The following SRPK2 variants were observed in gnomAD, a reference collection of about 807,000 sequenced individuals.
SRPK2 encodes the protein SFRS protein kinase 2.
SRPK2 carries 21 observed loss-of-function variants against 90.8 expected under a neutral mutation model. The ratio of observed to expected loss-of-function variants is 0.23; its 90% CI spans 0.16 to 0.33. SRPK2 has a LOEUF of 0.33. SRPK2 is among the 10% of genes least tolerant of loss of function. SRPK2 has a pLI of 1.00. For missense variants in SRPK2, 620 were observed against 869.0 expected (o/e 0.71, Z 3.60); for synonymous variants, 288 against 311.1 (o/e 0.93, Z 0.78).
intron 2 of SRPK2, among the ~76,000 whole-genome samples, chr7:105,309,027 G>T (rs1585645552): frequency 2.0e-5 from 3 of 152,112 alleles, no homozygotes; most frequent in Admixed American, 2.0e-4. Flanking sequence ...ATGTGCTTGT[G>T]ATCACTCCCC....
At chr7:105,317,995 C>A (rs1346926021) in intron 2 of SRPK2, among the ~76,000 whole-genome samples, 2 of 152,184 alleles carry the variant, frequency 1.3e-5, no homozygotes, top group Non-Finnish European at 2.9e-5. Context: ...AAGCAATCCA[C>A]CCGACTCAGC....
chr7:105,325,508 T>C (rs1489137426), intron 2 of SRPK2, among the ~76,000 whole-genome samples: 1 of 116,626 alleles, frequency 8.6e-6, no homozygotes, highest in Non-Finnish European at 1.8e-5. Context: ...AAAAAAATGA[T>C]GTCCATTATT....
intron 2 of SRPK2, among the ~76,000 whole-genome samples, chr7:105,237,336 G>A (rs1232530752): frequency 2.0e-5 from 3 of 152,154 alleles, no homozygotes; most frequent in Non-Finnish European, 4.4e-5. Context: ...ACTAATAAAA[G>A]ATACACTAAA....
intron 2 of SRPK2, among the ~76,000 whole-genome samples, chr7:105,311,710 GA>G (rs753780025): frequency 7.8e-4 from 119 of 152,324 alleles, no homozygotes; most frequent in Middle Eastern, 3.4e-3. Context: ...CAAGGATGTA[GA>G]AAACTGGAAC....
chr7:105,186,428 C>A (rs1793587737), intron 3 of SRPK2, among the ~76,000 whole-genome samples: 1 of 152,206 alleles, frequency 6.6e-6, no homozygotes, highest in Non-Finnish European at 1.5e-5. Context: ...TTCCCACTTA[C>A]AAGAAAGAAC....
chr7:105,172,651 A>T (rs1791302879), intron 3 of SRPK2, among the ~76,000 whole-genome samples: 1 of 152,212 alleles, frequency 6.6e-6, no homozygotes, highest in Non-Finnish European at 1.5e-5. Flanking sequence ...CAAGTATCAT[A>T]GATTATGAAG....
intron 2 of SRPK2, among the ~76,000 whole-genome samples, chr7:105,276,012 T>C (rs999676312): frequency 1.3e-5 from 2 of 152,190 alleles, no homozygotes; most frequent in Non-Finnish European, 2.9e-5. Context: ...TTCCTTTCAC[T>C]TGCCAAATTC....
In SRPK2 at chr7:105,214,371, ACAGT is replaced by A. The variant is rs558661844; in HGVS notation, c.72-10590_72-10587del. On this transcript the variant is annotated intron_variant, in intron 2 of 15. Coordinates refer to ENST00000393651, the MANE Select transcript of SRPK2 (RefSeq NM_182692.3). ...TTTAAAATAAGCAGTAAAATGATAA[ACAGT>A]CAGTATATAGCCATTTTAAATTTCA... 2.3e-3 allele frequency among the ~76,000 whole-genome samples: 351 copies of A among 152,348 alleles called. 1 individual carries two copies. Among genetic ancestry groups the A allele is most frequent in the African/African-American group, 8.1e-3 (337 of 41,580 alleles).
rs537250628 is a variant in SRPK2 at position 105,131,316 on chromosome 7, TCA to T, written c.1752+1473_1752+1474del. Among the ~76,000 whole-genome samples, 104 of 152,258 alleles carry T rather than the reference TCA, an allele frequency of 6.8e-4. 3 individuals carry two copies. In the South Asian group the frequency reaches 0.02, roughly 29 times the overall value. ...CTCCCGTTACACTAACTCCCACGTCTCAGTCTGCCTGCTGGGGTCACACAGAG... is the reference window on the plus strand; with the variant it reads ...CTCCCGTTACACTAACTCCCACGTCTGTCTGCCTGCTGGGGTCACACAGAG... On this transcript the variant is annotated intron_variant, in intron 13 of 15. Transcript: ENST00000393651.
In SRPK2 at chr7:105,118,009, G is replaced by T. The variant is rs1317103774; in HGVS notation, c.1929C>A (p.His643Gln). 1 of 1,613,958 alleles carries T rather than the reference G, an allele frequency of 6.2e-7. No individual in the cohort carries two copies. Among genetic ancestry groups the T allele is most frequent in the Non-Finnish European group, 8.5e-7 (1 of 1,179,968 alleles). ...EFFNRRGELRHITKLKPWSLF... is the reference protein window; with the variant it reads ...EFFNRRGELRQITKLKPWSLF... ...GGCTCCAGGGCTTCAGCTTGGTGAT[G>T]TGTCGCAGTTCTCCTACAGGGGAAA... The change falls in exon 16 of 16, where the codon CAC becomes CAA. Residue 643 changes from histidine (H) to glutamine (Q), a missense_variant. Around this residue, in one of 8 missense-constraint regions of SRPK2, gnomAD observed 71 missense variants for 123.1 expected, o/e 0.58. Coordinates refer to ENST00000393651, the MANE Select transcript of SRPK2 (RefSeq NM_182692.3).
intron 3 of SRPK2, among the ~76,000 whole-genome samples, chr7:105,169,857 C>G (rs1051193507): frequency 6.6e-6 from 1 of 152,166 alleles, no homozygotes; most frequent in Non-Finnish European, 1.5e-5. Context: ...ACTCTGTTGT[C>G]TAGACTGGAG....
intron 2 of SRPK2, among the ~76,000 whole-genome samples, chr7:105,311,954 A>T (rs1486905934): frequency 6.6e-6 from 1 of 152,250 alleles, no homozygotes; most frequent in Non-Finnish European, 1.5e-5. Context: ...GAAACAATCC[A>T]AATGCCATCA....
At chr7:105,295,596 C>G (rs76111272) in intron 2 of SRPK2, among the ~76,000 whole-genome samples, 2,640 of 152,188 alleles carry the variant, frequency 0.017, 76 homozygotes, top group African/African-American at 0.06. Flanking sequence ...AAAGGTAGAA[C>G]AGTAGTTACC....
intron 15 of SRPK2, among the ~76,000 whole-genome samples, chr7:105,125,419 G>A (rs955496030): frequency 1.3e-5 from 2 of 152,218 alleles, no homozygotes; most frequent in African/African-American, 2.4e-5. Context: ...GTCCCTGGAC[G>A]TTCCCTAAGT....
chr7:105,135,526 C>T (rs1218289620), intron 11 of SRPK2, among the ~76,000 whole-genome samples: 10 of 152,202 alleles, frequency 6.6e-5, no homozygotes, highest in Admixed American at 5.9e-4. Flanking sequence ...GAGGGCGAAG[C>T]CCGGTTAGAC....
At chr7:105,316,502 C>G (rs532398762) in intron 2 of SRPK2, among the ~76,000 whole-genome samples, 2 of 152,122 alleles carry the variant, frequency 1.3e-5, no homozygotes, top group African/African-American at 2.4e-5. Flanking sequence ...AGGGAGCCCA[C>G]CAGATAAACT....
At chr7:105,187,703 G>C (rs1283250357) in intron 3 of SRPK2, among the ~76,000 whole-genome samples, 1 of 152,134 alleles carries the variant, frequency 6.6e-6, no homozygotes, top group Non-Finnish European at 1.5e-5. Flanking sequence ...ATTGTCCAAG[G>C]GAAGGATTTT....
chr7:105,335,817 G>C (rs942416627), intron 2 of SRPK2, among the ~76,000 whole-genome samples: 3 of 151,890 alleles, frequency 2.0e-5, no homozygotes, highest in Non-Finnish European at 2.9e-5. Context: ...TTAGCCAAGC[G>C]TGGTGGCAGG....
intron 2 of SRPK2, among the ~76,000 whole-genome samples, chr7:105,386,218 G>A (rs1419832119): frequency 2.6e-5 from 4 of 151,658 alleles, no homozygotes; most frequent in Admixed American, 6.6e-5. Flanking sequence ...GGAGGCTGAG[G>A]CAGGAGAATG....
Sources: gnomAD v4.1 joint callset for allele counts (sites outside exome capture counted in the v4.1 genomes callset) on GRCh38, gnomAD v4.1.1 for gene constraint, gnomAD v4.1.1 regional missense constraint, MANE v1.5 for transcripts, NCBI Gene and HGNC (gene_info 2026-07-23, HGNC 2026-07-21) for gene names.